ERBB4: variants seen among roughly 807,000 people sequenced by gnomAD.
ERBB4 encodes the protein erb-b2 receptor tyrosine kinase 4.
A neutral mutation model predicts 158.0 loss-of-function variants in ERBB4; 42 were observed. The ratio of observed to expected loss-of-function variants is 0.27; its 90% CI spans 0.21 to 0.34. The LOEUF (loss-of-function observed/expected upper bound fraction) is 0.34, where lower values mean the gene tolerates loss of function less well. ERBB4 is among the 10% of genes least tolerant of loss of function. The pLI is 1.00. For synonymous variants in ERBB4, 583 were observed against 558.7 expected (o/e 1.04, Z -0.61); for missense variants, 1,333 against 1,624.1 (o/e 0.82, Z 3.08).
chr2:211,999,895 T>C (rs989798275), intron 2 of ERBB4, among the ~76,000 whole-genome samples: 2 of 151,472 alleles, frequency 1.3e-5, no homozygotes, highest in African/African-American at 4.8e-5. Context: ...TGTCTCTTTC[T>C]AAAAAAAAGT....
chr2:212,323,701 TATG>T (rs1354316190), intron 1 of ERBB4, among the ~76,000 whole-genome samples: 1 of 150,838 alleles, frequency 6.6e-6, no homozygotes, highest in East Asian at 2.0e-4. Context: ...AAGAGATTAT[TATG>T]ATTATTGTCA....
At chr2:212,336,755 A>G (rs910516916) in intron 1 of ERBB4, among the ~76,000 whole-genome samples, 1 of 151,936 alleles carries the variant, frequency 6.6e-6, no homozygotes, top group Non-Finnish European at 1.5e-5. Flanking sequence ...ACTCACTCTA[A>G]CTCTTCACTT....
At chr2:212,476,882 A>G (rs9808433) in intron 1 of ERBB4, among the ~76,000 whole-genome samples, 15,993 of 152,126 alleles carry the variant, frequency 0.11, 1,121 homozygotes, top group Non-Finnish European at 0.16. Context: ...CCAAAAGACA[A>G]TACCACTCTA....
chr2:211,560,064 C>G (rs894530907), intron 20 of ERBB4, among the ~76,000 whole-genome samples: 1 of 152,080 alleles, frequency 6.6e-6, no homozygotes, highest in African/African-American at 2.4e-5. Flanking sequence ...CAAGAGAAGA[C>G]TTCTAAGCTT....
At chr2:211,849,947 C>T (rs1030940010) in intron 3 of ERBB4, among the ~76,000 whole-genome samples, 1 of 142,774 alleles carries the variant, frequency 7.0e-6, no homozygotes, top group African/African-American at 2.6e-5. Flanking sequence ...TGAATCTCAG[C>T]TTTTAATCTC....
intron 1 of ERBB4, among the ~76,000 whole-genome samples, chr2:212,140,124 T>A (rs1001676170): frequency 6.6e-6 from 1 of 151,642 alleles, no homozygotes; most frequent in African/African-American, 2.4e-5. Context: ...ATTAACTGTT[T>A]GAGAAACAAG....
chr2:211,751,505 A>T (rs2075128725), intron 4 of ERBB4, among the ~76,000 whole-genome samples: 1 of 152,228 alleles, frequency 6.6e-6, no homozygotes, highest in South Asian at 2.1e-4. Flanking sequence ...TAAAATATAG[A>T]TGTTAAAAAT....
intron 19 of ERBB4, among the ~76,000 whole-genome samples, chr2:211,568,030 A>G (rs964517350): frequency 1.8e-4 from 28 of 152,096 alleles, no homozygotes; most frequent in African/African-American, 6.8e-4. Flanking sequence ...TGCTGCTGTC[A>G]CTAGAAAATG....
At chr2:212,153,385 A>C (rs1412210821) in intron 1 of ERBB4, among the ~76,000 whole-genome samples, 3 of 152,138 alleles carry the variant, frequency 2.0e-5, no homozygotes, top group Non-Finnish European at 2.9e-5. Flanking sequence ...AAGCTTGCCA[A>C]ACAGAATGCC....
At chr2:211,477,986 A>G (rs2064998252) in intron 20 of ERBB4, among the ~76,000 whole-genome samples, 1 of 152,166 alleles carries the variant, frequency 6.6e-6, no homozygotes, top group Admixed American at 6.6e-5. Flanking sequence ...TAAACCAGTT[A>G]AGGCAATATT....
chr2:211,774,184 C>T (rs2075814467), intron 4 of ERBB4, among the ~76,000 whole-genome samples: 1 of 151,728 alleles, frequency 6.6e-6, no homozygotes, highest in African/African-American at 2.4e-5. Flanking sequence ...ACGATTCTTC[C>T]ACCCCAGCCT....
chr2:212,055,572 A>C (rs2077536130), intron 2 of ERBB4, among the ~76,000 whole-genome samples: 1 of 152,200 alleles, frequency 6.6e-6, no homozygotes, highest in Admixed American at 6.5e-5. Context: ...TACCCCGCTG[A>C]GATGAAGCTT....
At chr2:212,267,607 T>TCTTTTTTTTG (rs59050518) in intron 1 of ERBB4, among the ~76,000 whole-genome samples, 4 of 142,802 alleles carry the variant, frequency 2.8e-5, no homozygotes, top group Non-Finnish European at 6.3e-5. Flanking sequence ...CTTTTTTTTT[T>TCTTTTTTTTG]TTTTATTATA....
intron 4 of ERBB4, among the ~76,000 whole-genome samples, chr2:211,775,392 C>T (rs1055164744): frequency 6.6e-6 from 1 of 152,162 alleles, no homozygotes; most frequent in Admixed American, 6.5e-5. Flanking sequence ...GCTCTTCCAT[C>T]TTTCCCTTAC....
intron 1 of ERBB4, among the ~76,000 whole-genome samples, chr2:212,361,437 T>C (rs557499779): frequency 4.0e-5 from 6 of 151,730 alleles, no homozygotes; most frequent in African/African-American, 1.4e-4. Context: ...GTTTTGCATA[T>C]AGGCTGTCTG....
rs143223663 is a variant in ERBB4 at position 211,776,799 on chromosome 2, C to A, written c.556+11226G>T. On this transcript the variant is annotated intron_variant, in intron 4 of 27. Transcript: ENST00000342788. ...GATTTAGGGGTATGTTATATTGGGG[C>A]AGTGCTTTCAGAGGGATATGCTCAA... Among the ~76,000 whole-genome samples the A allele has an allele frequency of 5.5e-4, 84 of 152,146 alleles. No homozygotes were observed. The Middle Eastern group carries it at 0.027, about 49-fold the overall frequency.
intron 1 of ERBB4, among the ~76,000 whole-genome samples, chr2:212,312,138 T>C (rs567410328): frequency 8.6e-5 from 13 of 151,064 alleles, no homozygotes; most frequent in Non-Finnish European, 1.3e-4. Flanking sequence ...ATGTTTCACA[T>C]TGTAACTGCA....
intron 1 of ERBB4, among the ~76,000 whole-genome samples, chr2:212,166,486 G>A (rs1421896900): frequency 6.6e-5 from 10 of 151,472 alleles, no homozygotes; most frequent in Non-Finnish European, 1.2e-4. Flanking sequence ...AGGAAGAATC[G>A]GTCTCATGAA....
At chr2:212,459,834 G>A (rs1233123723) in intron 1 of ERBB4, among the ~76,000 whole-genome samples, 1 of 152,140 alleles carries the variant, frequency 6.6e-6, no homozygotes, top group Non-Finnish European at 1.5e-5. Context: ...GAACATCCAT[G>A]TGAGAAAGGA....
Sources: allele counts gnomAD v4.1 joint callset (sites outside exome capture counted in the v4.1 genomes callset), GRCh38; gene constraint gnomAD v4.1.1; transcripts MANE v1.5; gene names NCBI Gene and HGNC (gene_info 2026-07-23, HGNC 2026-07-21).